ABI3: variants seen among roughly 807,000 people sequenced by gnomAD.
The protein encoded by ABI3 is ABI family member 3, also known as ABI gene family member 3.
Under a neutral mutation model 37.0 loss-of-function variants are expected in ABI3, and 24 were observed. That is an observed-to-expected ratio of 0.65 (90% CI 0.47 to 0.91). The LOEUF (loss-of-function observed/expected upper bound fraction) is 0.91, where lower values mean the gene tolerates loss of function less well. Ranked by LOEUF, ABI3 falls within the 40% of genes least tolerant of loss-of-function variation. The pLI is 0.00. For synonymous variants in ABI3, 220 were observed against 211.8 expected, an observed-to-expected ratio of 1.04 and a Z score of -0.34; for missense variants, 481 against 485.1, an observed-to-expected ratio of 0.99 and a Z score of 0.08.
chr17:49,211,016 C>T (rs530459919), intron 1 of ABI3, among the ~76,000 whole-genome samples, 175 bp downstream of exon 1: 1 of 152,282 alleles, frequency 6.6e-6, no homozygotes, highest in East Asian at 1.9e-4. Context: ...AACCCTGACC[C>T]CATACTACCC....
intron 1 of ABI3, 115 bp from the exon 2 acceptor site, chr17:49,216,416 C>A: frequency 9.9e-7 from 1 of 1,008,468 alleles, no homozygotes; most frequent in Non-Finnish European, 1.3e-6. Flanking sequence ...CTAAGGGTTG[C>A]TGCTCTCTCC....
At chr17:49,213,295 C>T (rs540180384) in intron 1 of ABI3, among the ~76,000 whole-genome samples, 1 of 152,190 alleles carries the variant, frequency 6.6e-6, no homozygotes, top group Non-Finnish European at 1.5e-5. Context: ...GAAGCCCTGA[C>T]CCAAGTTGGA....
Position 49,219,638 on chromosome 17 carries a change from C to T in ABI3, c.548+13C>T. The T allele has an allele frequency of 6.3e-7, 1 of 1,590,412 alleles. No individual in the cohort carries two copies. ...CCGCCACCTTGGGGTGAGGCCTCGC[C>T]GCGACGCCAACTAGCCTAGCCCTGC... is the stretch of plus-strand genomic sequence containing the variant. On this transcript the variant is annotated intron_variant, in intron 4 of 7. Transcript: ENST00000225941. The surrounding 1 kb of genome is among the most constrained non-coding windows in gnomAD (Gnocchi z 4.3).
chr17:49,221,815 G>C (rs1187712478), intron 6 of ABI3, among the ~76,000 whole-genome samples: 1 of 152,146 alleles, frequency 6.6e-6, no homozygotes, highest in Admixed American at 6.5e-5. Context: ...CACCTCCTGG[G>C]TTAAGCCATT....
At chr17:49,212,104 A>G (rs2043174702) in intron 1 of ABI3, among the ~76,000 whole-genome samples, 1 of 152,030 alleles carries the variant, frequency 6.6e-6, no homozygotes, top group African/African-American at 2.4e-5. Context: ...GGTGCATGCC[A>G]CCATGCCTGG....
chr17:49,220,610 C>T (rs555413646), intron 6 of ABI3, among the ~76,000 whole-genome samples: 60 of 151,898 alleles, frequency 4.0e-4, no homozygotes, highest in Non-Finnish European at 6.9e-4. Flanking sequence ...TTTGGGTGGC[C>T]GAGGCGCGCG....
chr17:49,214,973 G>A (rs687650), intron 1 of ABI3, among the ~76,000 whole-genome samples: 151,357 of 152,326 alleles, frequency 0.99, 75,204 homozygotes, highest in East Asian at 1. Context: ...TGACACTTCC[G>A]TTTAAGGCAA....
At chr17:49,218,561 A>G (rs2043245584) in intron 3 of ABI3, among the ~76,000 whole-genome samples, 1 of 151,732 alleles carries the variant, frequency 6.6e-6, no homozygotes, top group East Asian at 1.9e-4. Context: ...CTCCCCTTCA[A>G]CCACCAGGCC....
rs2043309789 is a variant in ABI3, at chr17:49,222,962, A to G, written c.*247A>G. 1 of 543,746 alleles carries G rather than the reference A, an allele frequency of 1.8e-6. No homozygotes were observed. The highest frequency in any genetic ancestry group is 2.9e-5 in the East Asian group (1 of 35,008). 33.7% of individuals were successfully genotyped at this position (543,746 alleles called of 1,614,324 possible). Reference sequence around the variant, plus strand: ...TCAACAGAGGACCCCTACTCCATGCAGGACAGGGTCTCCTGCTGCAAGTCC... The same window carrying G: ...TCAACAGAGGACCCCTACTCCATGCGGGACAGGGTCTCCTGCTGCAAGTCC... On this transcript the variant is annotated 3_prime_UTR_variant, in exon 8 of 8. Coordinates refer to ENST00000225941, the MANE Select transcript of ABI3 (RefSeq NM_016428.3).
intron 1 of ABI3, among the ~76,000 whole-genome samples, chr17:49,212,773 A>C (rs2043182027): frequency 1.3e-5 from 2 of 152,184 alleles, no homozygotes; most frequent in South Asian, 4.1e-4. Flanking sequence ...TATGCCACTA[A>C]CTGAAAATGC....
At chr17:49,220,103 G>A in intron 5 of ABI3, 66 bp from the exon 6 acceptor site, 2 of 1,605,252 alleles carry the variant, frequency 1.2e-6, no homozygotes, top group Non-Finnish European at 1.7e-6. Context: ...GATTGGAGGG[G>A]TGGGGCCAGT....
chr17:49,219,670 C>T lies in ABI3; in HGVS notation c.548+45C>T, dbSNP rs114344847. ...CCAACTAGCCTAGCCCTGCCCCGCGCGACCCTGAAACTCTCCTCCCCCAGC... is the reference window on the plus strand; with the variant it reads ...CCAACTAGCCTAGCCCTGCCCCGCGTGACCCTGAAACTCTCCTCCCCCAGC... On this transcript the variant is annotated intron_variant, in intron 4 of 7. Coordinates refer to ENST00000225941, the MANE Select transcript of ABI3 (RefSeq NM_016428.3). The surrounding 1 kb of genome is among the most constrained non-coding windows in gnomAD (Gnocchi z 4.3). The T allele has an allele frequency of 5.9e-6, 9 of 1,531,432 alleles. No homozygotes were observed. Among genetic ancestry groups the T allele is most frequent in the South Asian group, 1.2e-5 (1 of 84,134 alleles). The allele number at this position is 1,531,432 out of a possible 1,614,324, so 94.9% of individuals were successfully genotyped here. A position where few individuals can be genotyped will look rare whatever the true frequency, so the allele number is the denominator to read the frequency against.
At chr17:49,220,850 A>AATG (rs377110317) in intron 6 of ABI3, among the ~76,000 whole-genome samples, 3,481 of 19,116 alleles carry the variant, frequency 0.18, 84 homozygotes, top group Non-Finnish European at 0.26. Context: ...ATCTCAAAAT[A>AATG]ATAATAATAA....
chr17:49,210,906 A>C lies in ABI3; in HGVS notation c.117+65A>C. The C allele has an allele frequency of 7.3e-7, 1 of 1,372,892 alleles. No individual in the cohort carries two copies. The highest frequency in any genetic ancestry group is 1.5e-5 in the African/African-American group (1 of 68,928). The allele number at this position is 1,372,892 out of a possible 1,614,324, so 85.0% of individuals were successfully genotyped here. The stretch of plus-strand genomic sequence containing the variant: ...GAGGGGGGACCCTGAGCCCTGCCCC[A>C]AGTGGGGCCCTGGGACCCATCCTGA... On this transcript the variant is annotated intron_variant, in intron 1 of 7. Transcript: ENST00000225941. This position sits in a 1 kb window ranked among gnomAD's most constrained non-coding sequence, Gnocchi z 4.2.
In ABI3 at chr17:49,219,013, A is replaced by G. The variant is rs917603715; in HGVS notation, c.463-527A>G. On this transcript the variant is annotated intron_variant, in intron 3 of 7. Coordinates refer to ENST00000225941, the MANE Select transcript of ABI3 (RefSeq NM_016428.3). The surrounding 1 kb of genome is among the most constrained non-coding windows in gnomAD (Gnocchi z 4.3). ...TGTACCCACCCCTTGGGGAAGTCCC[A>G]TTGGTAACAGCAGTTCCCTCTTTCA... 6.6e-6 allele frequency among the ~76,000 whole-genome samples: 1 copy of G among 152,110 alleles called. No individual in the cohort carries two copies. The highest frequency in any genetic ancestry group is 1.5e-5 in the Non-Finnish European group (1 of 68,032).
intron 1 of ABI3, among the ~76,000 whole-genome samples, chr17:49,211,398 A>T (rs1454878162): frequency 6.6e-6 from 1 of 152,208 alleles, no homozygotes; most frequent in East Asian, 1.9e-4. Context: ...GCAGGCTTCT[A>T]GCAACAGATA....
chr17:49,218,436 G>A (rs778335404), intron 3 of ABI3, among the ~76,000 whole-genome samples: 5 of 152,100 alleles, frequency 3.3e-5, no homozygotes, highest in African/African-American at 4.8e-5. Flanking sequence ...GAAAGGGCAC[G>A]CACTCACACC....
chr17:49,217,429 C>T (rs868463813), intron 2 of ABI3, among the ~76,000 whole-genome samples: 10 of 152,236 alleles, frequency 6.6e-5, no homozygotes, highest in South Asian at 2.1e-4. Flanking sequence ...CGAAGTCAGC[C>T]GGGTGCTTGT....
chr17:49,214,098 G>T (rs1374453778), intron 1 of ABI3, among the ~76,000 whole-genome samples: 1 of 152,208 alleles, frequency 6.6e-6, no homozygotes, highest in African/African-American at 2.4e-5. Context: ...TGCCCAGAAG[G>T]TTCTGGCTCA....
Sources: gnomAD v4.1 joint callset for allele counts (sites outside exome capture counted in the v4.1 genomes callset) on GRCh38, gnomAD v4.1.1 for gene constraint, Gnocchi (gnomAD v3.1) non-coding constraint, MANE v1.5 for transcripts, NCBI Gene and HGNC (gene_info 2026-07-23, HGNC 2026-07-21) for gene names.